Variants in ZNF131 observed in about 807,000 individuals in gnomAD.
The protein encoded by ZNF131 is zinc finger and BTB domain containing 35.
A neutral mutation model predicts 60.0 loss-of-function variants in ZNF131; 7 were observed. The observed-to-expected ratio is 0.12, with a 90% CI of 0.07 to 0.22. The LOEUF is 0.22. Ranked by LOEUF, ZNF131 falls within the 10% of genes least tolerant of loss-of-function variation. The pLI is 1.00. For synonymous variants in ZNF131, 257 were observed against 253.2 expected (o/e 1.01, Z -0.14); for missense variants, 493 against 740.9 (o/e 0.67, Z 3.88).
chr5:43,163,295 A>G (rs1749976391), intron 5 of ZNF131, among the ~76,000 whole-genome samples: 1 of 152,080 alleles, frequency 6.6e-6, no homozygotes, highest in Non-Finnish European at 1.5e-5. Context: ...ATACTTTTTA[A>G]TGTACATTGA....
At chr5:43,157,925 T>C (rs1370994410) in intron 4 of ZNF131, among the ~76,000 whole-genome samples, 1 of 152,242 alleles carries the variant, frequency 6.6e-6, no homozygotes, top group Non-Finnish European at 1.5e-5. Context: ...TTCTTCCTTG[T>C]AGAGACACTA....
intron 3 of ZNF131, among the ~76,000 whole-genome samples, chr5:43,128,541 C>T (rs1744856908): frequency 6.6e-6 from 1 of 151,594 alleles, no homozygotes; most frequent in Non-Finnish European, 1.5e-5. Context: ...CCTGTAGTCC[C>T]AGCTACTTGG....
At chr5:43,132,603 T>G (rs952754182) in intron 3 of ZNF131, among the ~76,000 whole-genome samples, 1 of 148,344 alleles carries the variant, frequency 6.7e-6, no homozygotes, top group African/African-American at 2.5e-5. Context: ...TTCCACCTCC[T>G]GGGTTCAAGC....
intron 3 of ZNF131, among the ~76,000 whole-genome samples, chr5:43,128,769 G>A (rs955689354): frequency 6.6e-6 from 1 of 150,388 alleles, no homozygotes; most frequent in Non-Finnish European, 1.5e-5. Context: ...CTTTCTTTTT[G>A]GAGACAGGGT....
At chr5:43,128,634 G>GTGA (rs1744872692) in intron 3 of ZNF131, among the ~76,000 whole-genome samples, 1 of 141,052 alleles carries the variant, frequency 7.1e-6, no homozygotes, top group African/African-American at 2.6e-5. Flanking sequence ...TCCAGCCTGG[G>GTGA]CGACAGAGCG....
rs376761117 is a variant in ZNF131 at position 43,174,975 on chromosome 5, A to G, written c.1714A>G (p.Met572Val). ...TTTGGACCACGTGACCCCAGAAATC[A>G]TGAACCAAGAGGAGAGAGAGTCTAG... ...ADLDHVTPEI[M>V]NQEERESSQA... The change falls in exon 7 of 7, where the codon ATG becomes GTG. Residue 572 changes from methionine (M) to valine (V), a missense_variant. Met to Val is a conservative substitution (Grantham distance 21). Transcript: ENST00000682664. 29 of 1,614,050 alleles carry G rather than the reference A, an allele frequency of 1.8e-5. No individual in the cohort carries two copies. The highest frequency in any genetic ancestry group is 2.4e-5 in the Non-Finnish European group (28 of 1,180,044).
At chr5:43,142,716 G>T (rs1441142755) in intron 4 of ZNF131, among the ~76,000 whole-genome samples, 1 of 148,444 alleles carries the variant, frequency 6.7e-6, no homozygotes, top group African/African-American at 2.5e-5. Context: ...TTTTGAGACA[G>T]GGTCTTGCTT....
In ZNF131 at chr5:43,147,484, C is replaced by G. The variant is rs113061751; in HGVS notation, c.371+8175C>G. Reference sequence around the variant, plus strand: ...CCAGGCTAGAGTGCAGTGGCGTGATCTCGGCTCACTGCGAGCTCCGCCTCC... The same window carrying G: ...CCAGGCTAGAGTGCAGTGGCGTGATGTCGGCTCACTGCGAGCTCCGCCTCC... On this transcript the variant is annotated intron_variant, in intron 4 of 6. Coordinates refer to ENST00000682664, the MANE Select transcript of ZNF131 (RefSeq NM_001330707.2). 1.4e-4 allele frequency among the ~76,000 whole-genome samples: 21 copies of G among 151,598 alleles called. 1 individual carries two copies. Among genetic ancestry groups the G allele is most frequent in the African/African-American group, 5.1e-4 (21 of 41,464 alleles).
At chr5:43,154,250 A>G (rs1748685182) in intron 4 of ZNF131, among the ~76,000 whole-genome samples, 2 of 152,046 alleles carry the variant, frequency 1.3e-5, no homozygotes, top group African/African-American at 4.8e-5. Flanking sequence ...TGTCTCTACT[A>G]AAAATACAAA....
intron 5 of ZNF131, among the ~76,000 whole-genome samples, chr5:43,167,716 C>G (rs1750534371): frequency 6.6e-6 from 1 of 152,158 alleles, no homozygotes; most frequent in Admixed American, 6.5e-5. Context: ...TCCCTGCCTT[C>G]AAGGAGCTCA....
chr5:43,150,534 A>T (rs1748170488), intron 4 of ZNF131, among the ~76,000 whole-genome samples: 1 of 152,180 alleles, frequency 6.6e-6, no homozygotes, highest in African/African-American at 2.4e-5. Flanking sequence ...TCATGCCTGT[A>T]ATCCCAGCAC....
chr5:43,171,735 T>G (rs1458423169), intron 5 of ZNF131, among the ~76,000 whole-genome samples: 1 of 152,170 alleles, frequency 6.6e-6, no homozygotes, highest in African/African-American at 2.4e-5. Flanking sequence ...CAGTTCTGTC[T>G]CAGCCTCCCA....
chr5:43,123,180 A>AT, intron 2 of ZNF131, 29 bp from the exon 3 acceptor site: 1 of 1,548,488 alleles, frequency 6.5e-7, no homozygotes, highest in Non-Finnish European at 8.7e-7. Context: ...CTTGTGTATG[A>AT]TTTTCTTTTT....
At chr5:43,172,580 C>T (rs541636115) in intron 5 of ZNF131, among the ~76,000 whole-genome samples, 1 of 151,626 alleles carries the variant, frequency 6.6e-6, no homozygotes, top group Non-Finnish European at 1.5e-5. Flanking sequence ...CGAGATTGTG[C>T]CACTGCACTC....
chr5:43,123,978 G>A (rs1014845923), intron 3 of ZNF131: 1 of 152,222 alleles, frequency 6.6e-6, no homozygotes, highest in African/African-American at 2.4e-5. Flanking sequence ...ATCGTTTGAT[G>A]TTGGGCAGGA....
At chr5:43,156,157 A>G (rs1561428534) in intron 4 of ZNF131, among the ~76,000 whole-genome samples, 1 of 152,216 alleles carries the variant, frequency 6.6e-6, no homozygotes, top group East Asian at 1.9e-4. Flanking sequence ...AACAGTATAC[A>G]TAGAATCAGC....
chr5:43,158,701 C>T (rs1749266265), intron 4 of ZNF131, among the ~76,000 whole-genome samples: 1 of 152,188 alleles, frequency 6.6e-6, no homozygotes, highest in African/African-American at 2.4e-5. Flanking sequence ...CAATTCAACC[C>T]ATAATAATAG....
At chr5:43,134,654 C>T (rs1745798506) in intron 3 of ZNF131, among the ~76,000 whole-genome samples, 1 of 146,092 alleles carries the variant, frequency 6.8e-6, no homozygotes, top group Non-Finnish European at 1.5e-5. Flanking sequence ...TTGCAGGATA[C>T]AAAATCAGCA....
intron 5 of ZNF131, among the ~76,000 whole-genome samples, chr5:43,163,602 A>C (rs1367680735): frequency 6.6e-6 from 1 of 152,208 alleles, no homozygotes; most frequent in Non-Finnish European, 1.5e-5. Context: ...TGGGTCTCCT[A>C]CACCAGACAC....
Sources: gnomAD v4.1 joint callset for allele counts (sites outside exome capture counted in the v4.1 genomes callset) on GRCh38, gnomAD v4.1.1 for gene constraint, MANE v1.5 for transcripts, NCBI Gene and HGNC (gene_info 2026-07-23, HGNC 2026-07-21) for gene names.